NCOA1: variants seen among roughly 807,000 people sequenced by gnomAD.
NCOA1 encodes nuclear receptor coactivator 1.
In NCOA1, 35 loss-of-function variants were observed where a neutral mutation model predicts 150.9. The ratio of observed to expected loss-of-function variants is 0.23; its 90% CI spans 0.18 to 0.31. NCOA1 has a LOEUF of 0.31. Among genes scored for constraint, NCOA1 ranks in the 10% least tolerant of loss-of-function variants. The pLI, the probability that NCOA1 is intolerant of heterozygous loss-of-function variation, is 1.00. For synonymous variants in NCOA1, 590 were observed against 630.0 expected (o/e 0.94, Z 0.95); for missense variants, 1,491 against 1,749.3 (o/e 0.85, Z 2.63).
chr2:24,576,170 G>GTTTTTGTTTTTGTTTTTTTT (rs1666967476), intron 2 of NCOA1, among the ~76,000 whole-genome samples: 3 of 46,322 alleles, frequency 6.5e-5, no homozygotes, highest in African/African-American at 1.9e-4. Context: ...TTTGTTTTTT[G>GTTTTTGTTTTTGTTTTTTTT]TTTTTTTTTT....
chr2:24,678,223 C>G (rs1216249546), intron 7 of NCOA1, among the ~76,000 whole-genome samples: 2 of 152,182 alleles, frequency 1.3e-5, no homozygotes, highest in Non-Finnish European at 2.9e-5. Context: ...TGATCTCATC[C>G]CTTTTTATGG....
chr2:24,728,241 G>T, intron 15 of NCOA1, 67 bp from the exon 16 acceptor site: 1 of 1,384,388 alleles, frequency 7.2e-7, no homozygotes, highest in Non-Finnish European at 9.8e-7. Flanking sequence ...ATCTATATAT[G>T]TATATAAAGA....
At chr2:24,696,221 C>T (rs1368213068) in intron 10 of NCOA1, among the ~76,000 whole-genome samples, 1 of 151,700 alleles carries the variant, frequency 6.6e-6, no homozygotes, top group Admixed American at 6.6e-5. Context: ...ATTCAAGACC[C>T]GAAGTTAAAA....
At chr2:24,748,197 A>G (rs566232641) in intron 19 of NCOA1, among the ~76,000 whole-genome samples, 1 of 152,336 alleles carries the variant, frequency 6.6e-6, no homozygotes, top group East Asian at 1.9e-4. Flanking sequence ...CAAGGAGAAA[A>G]TATGTAGCTT....
chr2:24,746,701 T>G (rs1264536765), intron 19 of NCOA1, among the ~76,000 whole-genome samples: 1 of 152,238 alleles, frequency 6.6e-6, no homozygotes, highest in Non-Finnish European at 1.5e-5. Context: ...ACCCACAGGC[T>G]AGTTCTTTCT....
rs142704796 is a variant in NCOA1 at position 24,733,553 on chromosome 2, G to A, written c.3201+3738G>A. Among the ~76,000 whole-genome samples, 52 of 152,204 alleles carry A rather than the reference G, an allele frequency of 3.4e-4. No individual in the cohort carries two copies. The East Asian group carries it at 9.5e-3, about 28-fold the overall frequency. ...GAGCTCCGGAGTTCAAGACCACCCTGCGCAACATGGTGAAACCTCATCTCT... is the reference window on the plus strand; with the variant it reads ...GAGCTCCGGAGTTCAAGACCACCCTACGCAACATGGTGAAACCTCATCTCT... On this transcript the variant is annotated intron_variant, in intron 17 of 22. Coordinates refer to ENST00000348332, the MANE Select transcript of NCOA1 (RefSeq NM_003743.5).
Position 24,752,071 on chromosome 2 carries a change from T to C in NCOA1, c.3796T>C (p.Ser1266Pro). 1 of 1,614,168 alleles carries C rather than the reference T, an allele frequency of 6.2e-7. No homozygotes were observed. Among genetic ancestry groups the C allele is most frequent in the Admixed American group, 1.7e-5 (1 of 60,020 alleles). ...VPMPIPPPQS[S>P]LLQQTPPASG... is the part of the protein sequence containing the mutation. Reference sequence around the variant, plus strand: ...GATGCCAATCCCTCCTCCTCAGAGTTCTCTTCTCCAGCAAACTCCACCTGC... The same window carrying C: ...GATGCCAATCCCTCCTCCTCAGAGTCCTCTTCTCCAGCAAACTCCACCTGC... Residue 1266 changes from serine (S) to proline (P), a missense_variant, in exon 20 of 23, where the codon TCT becomes CCT. Physicochemically the swap from Ser to Pro is moderately conservative, Grantham distance 74 (BLOSUM62 -1). Transcript: ENST00000348332.
intron 3 of NCOA1, among the ~76,000 whole-genome samples, chr2:24,640,748 C>T (rs901863009): frequency 3.3e-5 from 5 of 152,126 alleles, no homozygotes; most frequent in African/African-American, 7.2e-5. Flanking sequence ...AGTCTACTTT[C>T]GCTGATATTT....
At chr2:24,726,475 A>T (rs1248026556) in intron 14 of NCOA1, 114 bp from the exon 15 acceptor site, 2 of 592,158 alleles carry the variant, frequency 3.4e-6, no homozygotes, top group Non-Finnish European at 6.0e-6. Context: ...CCTTTGTATC[A>T]TTGAAGTAAT....
At chr2:24,634,040 T>A (rs188729759) in intron 3 of NCOA1, among the ~76,000 whole-genome samples, 1 of 152,256 alleles carries the variant, frequency 6.6e-6, no homozygotes, top group East Asian at 1.9e-4. Context: ...CAAAAGATAA[T>A]GTATGAAATC....
chr2:24,598,132 TATTCCATGGTG>T (rs1157609643), intron 3 of NCOA1, among the ~76,000 whole-genome samples: 1 of 152,242 alleles, frequency 6.6e-6, no homozygotes, highest in African/African-American at 2.4e-5. Flanking sequence ...GTCTGCATAG[TATTCCATGGTG>T]AATCTCATCT....
intron 1 of NCOA1, among the ~76,000 whole-genome samples, chr2:24,518,603 A>G (rs1259212272): frequency 6.6e-6 from 1 of 152,208 alleles, no homozygotes; most frequent in Admixed American, 6.5e-5. Flanking sequence ...CAAAAAAGCT[A>G]CTAGAAGTAA....
intron 13 of NCOA1, 64 bp from the exon 14 acceptor site, chr2:24,710,867 T>C (rs1673715090): frequency 6.7e-7 from 1 of 1,498,674 alleles, no homozygotes; most frequent in African/African-American, 1.4e-5. Flanking sequence ...GCAGCATTTT[T>C]TTCTACGTTG....
chr2:24,570,491 T>C (rs745597494), intron 2 of NCOA1, among the ~76,000 whole-genome samples: 1 of 152,242 alleles, frequency 6.6e-6, no homozygotes, highest in African/African-American at 2.4e-5. Context: ...CTTCAGAGTA[T>C]GCTAAGGAGC....
chr2:24,603,161 G>A (rs369609114), intron 3 of NCOA1, among the ~76,000 whole-genome samples: 5 of 146,680 alleles, frequency 3.4e-5, no homozygotes, highest in South Asian at 2.2e-4. Context: ...TCTATCAAGT[G>A]TGCAATAGCA....
At chr2:24,512,981 A>G (rs1663999833) in intron 1 of NCOA1, among the ~76,000 whole-genome samples, 1 of 152,142 alleles carries the variant, frequency 6.6e-6, no homozygotes, top group East Asian at 1.9e-4. Context: ...ATATGGCTCT[A>G]CCACACACAG....
chr2:24,604,390 T>A (rs1466406927), intron 3 of NCOA1, among the ~76,000 whole-genome samples: 1 of 152,220 alleles, frequency 6.6e-6, no homozygotes, highest in Admixed American at 6.5e-5. Context: ...ACTATGAAAG[T>A]CCTGAATGGC....
intron 14 of NCOA1, among the ~76,000 whole-genome samples, chr2:24,716,817 A>G (rs942257509): frequency 2.6e-5 from 4 of 152,246 alleles, no homozygotes; most frequent in Admixed American, 2.0e-4. Flanking sequence ...TTGTAATTCT[A>G]CCAAACATTT....
At chr2:24,648,131 G>T (rs1670557014) in intron 4 of NCOA1, among the ~76,000 whole-genome samples, 1 of 151,896 alleles carries the variant, frequency 6.6e-6, no homozygotes, top group African/African-American at 2.4e-5. Context: ...GAAATGCTTG[G>T]GATTTTTTTT....
Sources: allele counts gnomAD v4.1 joint callset (sites outside exome capture counted in the v4.1 genomes callset), GRCh38; gene constraint gnomAD v4.1.1; transcripts MANE v1.5; gene names NCBI Gene and HGNC (gene_info 2026-07-23, HGNC 2026-07-21).